The following WRN variants were observed in gnomAD, a reference collection of about 807,000 sequenced individuals.
The protein encoded by WRN is bifunctional 3'-5' exonuclease/ATP-dependent helicase WRN.
WRN carries 149 observed loss-of-function variants against 180.7 expected under a neutral mutation model. The observed-to-expected ratio is 0.82, with a 90% CI of 0.72 to 0.94. The LOEUF (loss-of-function observed/expected upper bound fraction) is 0.94, where lower values mean the gene tolerates loss of function less well. Ranked by LOEUF, WRN falls within the 40% of genes least tolerant of loss-of-function variation. WRN has a pLI of 0.00. For missense variants in WRN, 1,661 were observed against 1,700.1 expected, an observed-to-expected ratio of 0.98 and a Z score of 0.40; for synonymous variants, 548 against 568.9, an observed-to-expected ratio of 0.96 and a Z score of 0.52.
intron 21 of WRN, among the ~76,000 whole-genome samples, chr8:31,121,486 A>G (rs1201049640): frequency 6.6e-6 from 1 of 152,028 alleles, no homozygotes; most frequent in Non-Finnish European, 1.5e-5. Context: ...GAATCACATA[A>G]CTATGGATAC....
chr8:31,143,452 G>GA, intron 27 of WRN, 98 bp from the exon 28 acceptor site: 1 of 817,416 alleles, frequency 1.2e-6, no homozygotes. Flanking sequence ...ATTAGGCAAA[G>GA]AAAAAATTGT....
In WRN at chr8:31,174,250, A is replaced by T. The variant is rs1804200166; in HGVS notation, c.*1148A>T. On this transcript the variant is annotated 3_prime_UTR_variant, in exon 35 of 35. Transcript: ENST00000298139. ...GTCCAGCCATGGCTTCTGCATTTGC[A>T]TGCTTTTGTGTGTGCATCTGCAATA... is the stretch of plus-strand genomic sequence containing the variant. Among the ~76,000 whole-genome samples the T allele has an allele frequency of 6.6e-6, 1 of 152,210 alleles. No homozygotes were observed. Among genetic ancestry groups the T allele is most frequent in the Non-Finnish European group, 1.5e-5 (1 of 68,032 alleles).
chr8:31,138,079 G>A (rs1341050486), intron 24 of WRN, among the ~76,000 whole-genome samples: 2 of 151,866 alleles, frequency 1.3e-5, no homozygotes, highest in African/African-American at 4.8e-5. Context: ...TCCAGCTTGG[G>A]TGACAAAGAG....
At chr8:31,069,307 T>C (rs1205382595) in intron 7 of WRN, among the ~76,000 whole-genome samples, 1 of 151,990 alleles carries the variant, frequency 6.6e-6, no homozygotes, top group Non-Finnish European at 1.5e-5. Flanking sequence ...GGTAGAAGAG[T>C]CTTTATTCTT....
intron 18 of WRN, among the ~76,000 whole-genome samples, chr8:31,111,253 A>G (rs1193744087): frequency 6.6e-6 from 1 of 152,178 alleles, no homozygotes; most frequent in Non-Finnish European, 1.5e-5. Flanking sequence ...TATAAGGCAT[A>G]ATATACCCCC....
At chr8:31,064,233 A>T in intron 3 of WRN, 56 bp from the exon 4 acceptor site, 1 of 1,600,832 alleles carries the variant, frequency 6.2e-7, no homozygotes, top group South Asian at 1.1e-5. Context: ...GTCTTTAGTT[A>T]TGCAGAAGTT....
At chr8:31,074,428 T>C (rs563713892) in intron 7 of WRN, among the ~76,000 whole-genome samples, 14 of 152,282 alleles carry the variant, frequency 9.2e-5, no homozygotes, top group South Asian at 2.1e-4. Flanking sequence ...AATTCTCTTA[T>C]TATTTCATTT....
At chr8:31,077,613 C>T (rs2130102202) in intron 8 of WRN, among the ~76,000 whole-genome samples, 1 of 152,260 alleles carries the variant, frequency 6.6e-6, no homozygotes, top group Middle Eastern at 3.4e-3. Flanking sequence ...ATTTTTCCCT[C>T]CATGAAATTA....
chr8:31,075,177 A>G (rs866393760), intron 7 of WRN, among the ~76,000 whole-genome samples: 1 of 152,234 alleles, frequency 6.6e-6, no homozygotes, highest in South Asian at 2.1e-4. Flanking sequence ...AAGGGATGAA[A>G]GGATGCAGTT....
chr8:31,135,000 C>T (rs938353653), intron 24 of WRN, among the ~76,000 whole-genome samples: 1 of 151,892 alleles, frequency 6.6e-6, no homozygotes, highest in East Asian at 1.9e-4. Context: ...GGAAAAAGCA[C>T]CCCCGTCCTC....
chr8:31,086,094 A>T lies in WRN; in HGVS notation c.1431+848A>T, dbSNP rs565090348. 5.9e-5 allele frequency among the ~76,000 whole-genome samples: 9 copies of T among 152,214 alleles called. No individual in the cohort carries two copies. In the East Asian group the frequency reaches 1.5e-3, roughly 26 times the overall value. ...CTTTGTCAGGTGTTACTAACCAAAG[A>T]TGTATAATAAGAAAAGCCAATGTAG... On this transcript the variant is annotated intron_variant, in intron 11 of 34. Transcript: ENST00000298139.
intron 30 of WRN, among the ~76,000 whole-genome samples, chr8:31,148,251 C>T (rs1047941203): frequency 6.6e-6 from 1 of 151,734 alleles, no homozygotes; most frequent in Non-Finnish European, 1.5e-5. Context: ...CTGTCTATGC[C>T]TTCCTCCTCC....
At chr8:31,155,358 C>T (rs1266484676) in intron 32 of WRN, among the ~76,000 whole-genome samples, 1 of 152,144 alleles carries the variant, frequency 6.6e-6, no homozygotes, top group Non-Finnish European at 1.5e-5. Context: ...TGTGGTGGCT[C>T]ATGCCTGTAA....
At chr8:31,157,590 A>T in intron 33 of WRN, 60 bp downstream of exon 33, 1 of 1,599,930 alleles carries the variant, frequency 6.3e-7, no homozygotes, top group East Asian at 2.2e-5. Flanking sequence ...CAAGCAATCC[A>T]CTATATTTTT....
At chr8:31,096,457 A>G (rs1297615231) in intron 16 of WRN, among the ~76,000 whole-genome samples, 2 of 152,180 alleles carry the variant, frequency 1.3e-5, no homozygotes, top group African/African-American at 2.4e-5. Context: ...GGAATGTCTC[A>G]TAGATCCCAC....
intron 16 of WRN, among the ~76,000 whole-genome samples, chr8:31,094,460 C>T (rs1394566728): frequency 6.6e-6 from 1 of 151,986 alleles, no homozygotes; most frequent in Non-Finnish European, 1.5e-5. Flanking sequence ...ATCCTCCCAC[C>T]TCAGTCTCCT....
chr8:31,064,455 T>G, intron 4 of WRN, 21 bp downstream of exon 4: 2 of 1,613,874 alleles, frequency 1.2e-6, no homozygotes, highest in Non-Finnish European at 1.7e-6. Flanking sequence ...CTACATTTCA[T>G]TTTTATATGG....
At chr8:31,078,181 T>C (rs1045108850) in intron 8 of WRN, among the ~76,000 whole-genome samples, 2 of 152,168 alleles carry the variant, frequency 1.3e-5, no homozygotes, top group African/African-American at 4.8e-5. Context: ...TAATTACTTT[T>C]TACATATTGA....
chr8:31,051,769 A>G (rs1812085081), intron 1 of WRN, among the ~76,000 whole-genome samples: 1 of 152,180 alleles, frequency 6.6e-6, no homozygotes, highest in South Asian at 2.1e-4. Flanking sequence ...AATCACCACA[A>G]TGGGTTGTTA....
Sources: allele counts gnomAD v4.1 joint callset (sites outside exome capture counted in the v4.1 genomes callset), GRCh38; gene constraint gnomAD v4.1.1; transcripts MANE v1.5; gene names NCBI Gene and HGNC (gene_info 2026-07-23, HGNC 2026-07-21).